NOS1: variants seen among roughly 807,000 people sequenced by gnomAD.
NOS1 encodes NOS type I.
Under a neutral mutation model 164.5 loss-of-function variants are expected in NOS1, and 51 were observed. That is an observed-to-expected ratio of 0.31 (90% CI 0.25 to 0.39). NOS1 has a LOEUF of 0.39. Among genes scored for constraint, NOS1 ranks in the 10% least tolerant of loss-of-function variants. The pLI is 1.00. For missense variants in NOS1, 1,362 were observed against 1,885.6 expected, an observed-to-expected ratio of 0.72 and a Z score of 5.14; for synonymous variants, 719 against 745.8, an observed-to-expected ratio of 0.96 and a Z score of 0.59.
rs372294644 is a variant in NOS1 at position 117,323,970 on chromosome 12, A to G, written c.725+6375T>C. On this transcript the variant is annotated intron_variant, in intron 2 of 28. Transcript: ENST00000317775. ...CTAATTTTTTTTTTTTTTTATATTT[A>G]GCAGAGATGGGGTTTTGCCATGTTG... Among the ~76,000 whole-genome samples, 14 of 149,884 alleles carry G rather than the reference A, an allele frequency of 9.3e-5. No homozygotes were observed. In the East Asian group the frequency reaches 2.0e-3, roughly 21 times the overall value.
chr12:117,331,378 G>C lies in NOS1; in HGVS notation c.-309C>G, dbSNP rs113139853. On this transcript the variant is annotated 5_prime_UTR_variant, in exon 2 of 29. Transcript: ENST00000317775. ...CCCTAAGGTCAGGCAGAAAGGGGAG[G>C]AGATGCGTCTGATGGCTGTGTCTAG... The C allele has an allele frequency of 1.5e-5, 6 of 389,926 alleles. No homozygotes were observed. Among genetic ancestry groups the C allele is most frequent in the Middle Eastern group, 6.9e-4 (1 of 1,450 alleles). The allele number at this position is 389,926 out of a possible 1,614,324, so 24.2% of individuals were successfully genotyped here. A position where few individuals can be genotyped will look rare whatever the true frequency, so the allele number is the denominator to read the frequency against.
chr12:117,232,512 T>C (rs1478015819), intron 21 of NOS1, among the ~76,000 whole-genome samples: 1 of 152,200 alleles, frequency 6.6e-6, no homozygotes, highest in Non-Finnish European at 1.5e-5. Flanking sequence ...GATGTTAGTG[T>C]TGTCATTATA....
At position 117,290,364 on chromosome 12, in the gene NOS1, G is replaced by A. The variant is rs936785804; in HGVS notation, c.915C>T (p.Phe305=). The A allele has an allele frequency of 3.1e-6, 5 of 1,614,016 alleles. No individual in the cohort carries two copies. Among genetic ancestry groups the A allele is most frequent in the African/African-American group, 1.3e-5 (1 of 74,928 alleles). ...CAGTCTCCCAGTTCTTGACCTTGAG[G>A]AAGCGTGGACACTTGGAGGGGCTGC... is the stretch of plus-strand genomic sequence containing the variant. ...KNGSPSKCPR[F]LKVKNWETEV... The change falls in exon 4 of 29, where the codon TTC becomes TTT. Residue 305 remains phenylalanine (F), a synonymous_variant. Transcript: ENST00000317775.
At chr12:117,326,385 CAA>C (rs746345561) in intron 2 of NOS1, among the ~76,000 whole-genome samples, 1 of 25,880 alleles carries the variant, frequency 3.9e-5, no homozygotes, top group African/African-American at 2.9e-4. Context: ...GACTCTGTCT[CAA>C]AAAAAAAAAA....
intron 1 of NOS1, among the ~76,000 whole-genome samples, chr12:117,358,894 A>T (rs1246683036): frequency 6.6e-6 from 1 of 152,266 alleles, no homozygotes; most frequent in Non-Finnish European, 1.5e-5. Flanking sequence ...GCTAAGGTTC[A>T]GGCACATGCC....
intron 13 of NOS1, among the ~76,000 whole-genome samples, chr12:117,263,050 T>C (rs1005053073): frequency 2.6e-5 from 4 of 152,138 alleles, no homozygotes; most frequent in African/African-American, 7.2e-5. Context: ...ACAGCTGCCA[T>C]GTTTACTGTA....
At chr12:117,265,275 C>T (rs1216422340) in intron 12 of NOS1, 41 bp downstream of exon 12, 3 of 1,485,528 alleles carry the variant, frequency 2.0e-6, no homozygotes, top group East Asian at 4.7e-5. Flanking sequence ...ACACCAGATA[C>T]AGGACACTTA....
At chr12:117,258,937 A>C in intron 15 of NOS1, 89 bp downstream of exon 15, 2 of 841,570 alleles carry the variant, frequency 2.4e-6, no homozygotes, top group South Asian at 3.2e-5. Flanking sequence ...TTGCTACTGA[A>C]TAGCAGGTGT....
intron 7 of NOS1, among the ~76,000 whole-genome samples, chr12:117,284,105 C>G (rs759659491): frequency 1.3e-5 from 2 of 152,096 alleles, no homozygotes; most frequent in East Asian, 1.9e-4. Flanking sequence ...TTCCTTCTTA[C>G]GGAAGAGAAG....
chr12:117,333,536 G>C (rs145340982), intron 1 of NOS1, among the ~76,000 whole-genome samples: 1 of 152,144 alleles, frequency 6.6e-6, no homozygotes, highest in Non-Finnish European at 1.5e-5. Flanking sequence ...TCAATGGGGG[G>C]GTGTGTGGGG....
At chr12:117,309,937 T>G (rs1032630846) in intron 3 of NOS1, among the ~76,000 whole-genome samples, 7 of 152,324 alleles carry the variant, frequency 4.6e-5, no homozygotes, top group Admixed American at 1.3e-4. Context: ...CTCGCTCTGT[T>G]GCCCAGGCTA....
chr12:117,257,821 T>C (rs1871582255), intron 16 of NOS1, among the ~76,000 whole-genome samples: 1 of 147,736 alleles, frequency 6.8e-6, no homozygotes, highest in Non-Finnish European at 1.5e-5. Flanking sequence ...TTTTTTTTTT[T>C]GAGATGGAGT....
chr12:117,208,597 C>T lies in NOS1; in HGVS notation c.*6712G>A. 1 of 1,192,140 alleles carries T rather than the reference C, an allele frequency of 8.4e-7. No homozygotes were observed. Among genetic ancestry groups the T allele is most frequent in the Non-Finnish European group, 1.1e-6 (1 of 940,882 alleles). The allele number at this position is 1,192,140 out of a possible 1,614,324, so 73.8% of individuals were successfully genotyped here. ...AACAATGAAAACAGTGGCGGCAGAG[C>T]ACAGGACATGGGAGGGGACTGAGAC... On this transcript the variant is annotated 3_prime_UTR_variant, in exon 29 of 29. Coordinates refer to ENST00000317775, the MANE Select transcript of NOS1 (RefSeq NM_000620.5).
In NOS1 at chr12:117,227,557, G is replaced by A. The variant is rs753952983; in HGVS notation, c.3490C>T (p.Pro1164Ser). The change falls in exon 23 of 29, where the codon CCG becomes TCG. Residue 1164 changes from proline to serine, a missense_variant. Around this residue, in one of 4 missense-constraint regions of NOS1, gnomAD observed 737 missense variants for 1,030.3 expected, o/e 0.72. Transcript: ENST00000317775. ...AGCTGGGTCAGGAGCAGGGTGGCCG[G>A]CATCTGGATAGATGGGAACTCCTCC... ...VLEEFPSIQMPATLLLTQLSL... is the reference protein window; with the variant it reads ...VLEEFPSIQMSATLLLTQLSL... The A allele has an allele frequency of 3.1e-6, 5 of 1,613,316 alleles. No homozygotes were observed. Among genetic ancestry groups the A allele is most frequent in the Non-Finnish European group, 4.2e-6 (5 of 1,179,684 alleles).
intron 21 of NOS1, 43 bp from the exon 22 acceptor site, chr12:117,232,174 T>C (rs763822921): frequency 6.3e-7 from 1 of 1,599,488 alleles, no homozygotes; most frequent in Non-Finnish European, 8.5e-7. Flanking sequence ...GTGGGAGGGC[T>C]TGAGTCCAAG....
At chr12:117,327,894 G>A (rs1875334588) in intron 2 of NOS1, among the ~76,000 whole-genome samples, 1 of 152,128 alleles carries the variant, frequency 6.6e-6, no homozygotes, top group Non-Finnish European at 1.5e-5. Context: ...TACTCCTTGG[G>A]GGGCTCTTGG....
At chr12:117,252,829 G>A (rs974558502) in intron 17 of NOS1, among the ~76,000 whole-genome samples, 4 of 152,164 alleles carry the variant, frequency 2.6e-5, no homozygotes, top group African/African-American at 7.2e-5. Context: ...GAGTAATTAC[G>A]GAGAAGGCTC....
intron 3 of NOS1, among the ~76,000 whole-genome samples, chr12:117,293,293 G>A (rs558929570): frequency 2.6e-5 from 4 of 152,254 alleles, no homozygotes; most frequent in East Asian, 1.9e-4. Flanking sequence ...CCTGGCCCTC[G>A]CCAGATCTGG....
At chr12:117,309,778 G>C (rs889614059) in intron 3 of NOS1, among the ~76,000 whole-genome samples, 1 of 149,642 alleles carries the variant, frequency 6.7e-6, no homozygotes, top group South Asian at 2.2e-4. Flanking sequence ...TGGAGTTGGC[G>C]AGGCTGTGAA....
Sources: gnomAD v4.1 joint callset for allele counts (sites outside exome capture counted in the v4.1 genomes callset) on GRCh38, gnomAD v4.1.1 for gene constraint, gnomAD v4.1.1 regional missense constraint, MANE v1.5 for transcripts, NCBI Gene and HGNC (gene_info 2026-07-23, HGNC 2026-07-21) for gene names.